RBFOX3: variants seen among roughly 807,000 people sequenced by gnomAD.
RBFOX3 encodes the protein RNA binding protein fox-1 homolog 3.
Under a neutral mutation model 48.7 loss-of-function variants are expected in RBFOX3, and 17 were observed. The observed-to-expected ratio is 0.35, with a 90% CI of 0.24 to 0.52. The LOEUF (loss-of-function observed/expected upper bound fraction) is 0.52, where lower values mean the gene tolerates loss of function less well. Ranked by LOEUF, RBFOX3 falls within the 20% of genes least tolerant of loss-of-function variation. RBFOX3 has a pLI of 0.94. For synonymous variants in RBFOX3, 212 were observed against 209.5 expected (o/e 1.01, Z -0.10); for missense variants, 382 against 497.5 (o/e 0.77, Z 2.21).
chr17:79,275,868 G>C (rs941766116), intron 3 of RBFOX3, among the ~76,000 whole-genome samples: 1 of 152,202 alleles, frequency 6.6e-6, no homozygotes, highest in Non-Finnish European at 1.5e-5. Flanking sequence ...TGTTCCATCC[G>C]TGGTATATAC....
intron 1 of RBFOX3, among the ~76,000 whole-genome samples, chr17:79,533,753 C>G (rs1180833662): frequency 6.6e-6 from 1 of 152,140 alleles, no homozygotes; most frequent in Non-Finnish European, 1.5e-5. Context: ...TAGAAAGATC[C>G]GTGGTATCAC....
intron 10 of RBFOX3, 75 bp downstream of exon 10, chr17:79,097,617 G>T: frequency 5.5e-6 from 2 of 366,810 alleles, no homozygotes; most frequent in Non-Finnish European, 4.0e-6. Flanking sequence ...CTCATGCCCC[G>T]CCCCCAGAGC....
At chr17:79,476,703 G>T (rs2077816135) in intron 2 of RBFOX3, among the ~76,000 whole-genome samples, 1 of 152,190 alleles carries the variant, frequency 6.6e-6, no homozygotes, top group Non-Finnish European at 1.5e-5. Context: ...GAACTGCAGA[G>T]AAGGAACCAG....
intron 3 of RBFOX3, among the ~76,000 whole-genome samples, chr17:79,284,025 TTGTAA>T (rs2071246669): frequency 8.6e-6 from 1 of 115,676 alleles, no homozygotes; most frequent in Non-Finnish European, 1.8e-5. Context: ...TCCAGGACCA[TTGTAA>T]CATTTGCCTG....
At chr17:79,261,363 C>T (rs2065747550) in intron 3 of RBFOX3, among the ~76,000 whole-genome samples, 1 of 152,338 alleles carries the variant, frequency 6.6e-6, no homozygotes, top group Non-Finnish European at 1.5e-5. Context: ...CACAGGGTCT[C>T]TTTCTTTTTC....
intron 4 of RBFOX3, among the ~76,000 whole-genome samples, chr17:79,139,498 G>C (rs1259942422): frequency 2.0e-5 from 3 of 152,244 alleles, no homozygotes; most frequent in Non-Finnish European, 2.9e-5. Context: ...AGAGCTCTCT[G>C]AATTAAAAGC....
chr17:79,138,998 T>TGCGTTCACACCCTCACACACAC (rs1568208334), intron 4 of RBFOX3, among the ~76,000 whole-genome samples: 13 of 55,142 alleles, frequency 2.4e-4, no homozygotes, highest in African/African-American at 1.0e-3. Context: ...CTCACACACA[T>TGCGTTCACACCCTCACACACAC]GCACACAGCA....
At chr17:79,490,440 G>A (rs919592271) in intron 1 of RBFOX3, among the ~76,000 whole-genome samples, 24 of 152,190 alleles carry the variant, frequency 1.6e-4, no homozygotes, top group African/African-American at 5.8e-4. Flanking sequence ...CAGTGGGGCT[G>A]GGGGCCCAGA....
intron 1 of RBFOX3, among the ~76,000 whole-genome samples, chr17:79,497,760 C>G (rs2081763211): frequency 6.6e-6 from 1 of 152,232 alleles, no homozygotes; most frequent in Admixed American, 6.5e-5. Context: ...CACCTTACAG[C>G]AACACAGATG....
At chr17:79,306,154 A>G (rs12938625) in intron 3 of RBFOX3, among the ~76,000 whole-genome samples, 149,238 of 152,386 alleles carry the variant, frequency 0.98, 73,177 homozygotes, top group South Asian at 1. Flanking sequence ...CGGCTGCTGC[A>G]GCCAGATAAC....
chr17:79,276,575 C>A, intron 3 of RBFOX3, among the ~76,000 whole-genome samples: 1 of 152,066 alleles, frequency 6.6e-6, no homozygotes, highest in East Asian at 1.9e-4. Flanking sequence ...ATCCCAGCTG[C>A]TCGGGAGGCT....
the RBFOX3 span, among the ~76,000 whole-genome samples, chr17:79,642,934 G>A: frequency 6.6e-6 from 1 of 152,074 alleles, no homozygotes; most frequent in African/African-American, 2.4e-5. Flanking sequence ...GAGAGACCTC[G>A]TCTCTACAAA....
In RBFOX3 at chr17:79,275,492, G is replaced by A. The variant is rs964032947; in HGVS notation, c.-74+32232C>T. 5.9e-5 allele frequency among the ~76,000 whole-genome samples: 9 copies of A among 152,294 alleles called. No homozygotes were observed. In the South Asian group the frequency reaches 1.9e-3, roughly 32 times the overall value. ...CAAGACGGTAGGCTTCATGAGCTCA[G>A]GGCCACCCACATCCCCAATACCTGG... On this transcript the variant is annotated intron_variant, in intron 3 of 14. Coordinates refer to ENST00000693108, the MANE Select transcript of RBFOX3 (RefSeq NM_001350451.2).
At chr17:79,305,658 C>T (rs1206915254) in intron 3 of RBFOX3, among the ~76,000 whole-genome samples, 1 of 152,222 alleles carries the variant, frequency 6.6e-6, no homozygotes, top group Non-Finnish European at 1.5e-5. Flanking sequence ...CCCACACAGC[C>T]TGTGTGGGCT....
At chr17:79,486,575 T>A (rs969799956) in intron 1 of RBFOX3, among the ~76,000 whole-genome samples, 2 of 152,178 alleles carry the variant, frequency 1.3e-5, no homozygotes, top group Admixed American at 6.5e-5. Context: ...AGACGGGCCA[T>A]CCTGGACCCT....
chr17:79,145,830 G>A (rs1238961366), intron 4 of RBFOX3, among the ~76,000 whole-genome samples: 1 of 152,206 alleles, frequency 6.6e-6, no homozygotes, highest in East Asian at 1.9e-4. Context: ...TTTGATGACT[G>A]CTGGGGACAG....
intron 4 of RBFOX3, among the ~76,000 whole-genome samples, chr17:79,148,802 GGCCTCTGC>G (rs2043634073): frequency 6.6e-6 from 1 of 152,196 alleles, no homozygotes; most frequent in Non-Finnish European, 1.5e-5. Context: ...AGCCTCCGAG[GGCCTCTGC>G]GGGCCTGGCT....
At chr17:79,457,627 C>T (rs1411547138) in intron 2 of RBFOX3, among the ~76,000 whole-genome samples, 1 of 152,186 alleles carries the variant, frequency 6.6e-6, no homozygotes, top group Admixed American at 6.5e-5. Context: ...AGTGTGGCAG[C>T]ACAGAGCAAC....
chr17:79,302,387 T>C (rs1169778254), intron 3 of RBFOX3, among the ~76,000 whole-genome samples: 2 of 152,092 alleles, frequency 1.3e-5, no homozygotes, highest in African/African-American at 4.8e-5. Context: ...ACTACAGAAA[T>C]AGACAGTGTT....
Sources: gnomAD v4.1 joint callset for allele counts (sites outside exome capture counted in the v4.1 genomes callset) on GRCh38, gnomAD v4.1.1 for gene constraint, MANE v1.5 for transcripts, NCBI Gene and HGNC (gene_info 2026-07-23, HGNC 2026-07-21) for gene names.